The following TCERG1L variants were observed in gnomAD, a reference collection of about 807,000 sequenced individuals.
TCERG1L encodes the protein transcription elongation regulator 1-like protein.
In TCERG1L, 37 loss-of-function variants were observed where a neutral mutation model predicts 56.3. That is an observed-to-expected ratio of 0.66 (90% confidence interval 0.51 to 0.87). TCERG1L has a LOEUF of 0.87. Ranked by LOEUF, TCERG1L falls within the 40% of genes least tolerant of loss-of-function variation. The probability of loss-of-function intolerance (pLI) is 0.00; values close to 1 mark genes in which losing one functional copy is unlikely to be tolerated. For synonymous variants in TCERG1L, 324 were observed against 326.3 expected (o/e 0.99, Z 0.08); for missense variants, 799 against 774.2 (o/e 1.03, Z -0.38).
chr10:131,302,338 G>GTT (rs201264732), intron 3 of TCERG1L, among the ~76,000 whole-genome samples: 3 of 128,476 alleles, frequency 2.3e-5, no homozygotes, highest in Non-Finnish European at 5.1e-5. Flanking sequence ...TTGTTTTTTT[G>GTT]TTTTTTTTTT....
At chr10:131,188,035 G>C (rs1329216647) in intron 4 of TCERG1L, among the ~76,000 whole-genome samples, 1 of 152,158 alleles carries the variant, frequency 6.6e-6, no homozygotes, top group Non-Finnish European at 1.5e-5. Context: ...TCCTTGGCTT[G>C]GTCCCCAGCA....
At chr10:131,281,500 C>T (rs1475600097) in intron 3 of TCERG1L, among the ~76,000 whole-genome samples, 2 of 152,140 alleles carry the variant, frequency 1.3e-5, no homozygotes, top group Non-Finnish European at 2.9e-5. Flanking sequence ...ATATGAAAGG[C>T]ATTTGTGCTG....
rs1846588560 is a variant in TCERG1L at position 131,289,596 on chromosome 10, TGA to T, written c.670+18613_670+18614del. ...GCACTGCCTCCATCTCCTATCAATG[TGA>T]GTGTATGTGTGCACCGCTGTGTGTG... On this transcript the variant is annotated intron_variant, in intron 3 of 11. Transcript: ENST00000368642. Among the ~76,000 whole-genome samples, 2 of 19,912 alleles carry T rather than the reference TGA, an allele frequency of 1.0e-4. 1 individual carries two copies. Among genetic ancestry groups the T allele is most frequent in the Non-Finnish European group, 3.1e-4 (2 of 6,550 alleles). 13.1% of individuals were successfully genotyped at this position (19,912 alleles called of 152,430 possible).
At chr10:131,184,763 G>A (rs1845218128) in intron 4 of TCERG1L, among the ~76,000 whole-genome samples, 1 of 152,224 alleles carries the variant, frequency 6.6e-6, no homozygotes, top group South Asian at 2.1e-4. Flanking sequence ...GTGCACAAGT[G>A]TCCATCAGCC....
intron 11 of TCERG1L, among the ~76,000 whole-genome samples, chr10:131,094,867 G>A (rs940980155): frequency 6.6e-6 from 1 of 152,098 alleles, no homozygotes; most frequent in African/African-American, 2.4e-5. Context: ...GGCTAGACAG[G>A]CATCTACACA....
At chr10:131,146,028 T>C (rs542627187) in intron 7 of TCERG1L, among the ~76,000 whole-genome samples, 6 of 152,188 alleles carry the variant, frequency 3.9e-5, no homozygotes, top group Admixed American at 1.3e-4. Flanking sequence ...CTGAAGAAAA[T>C]CTCTTCCCCT....
chr10:131,227,603 C>G (rs747667790), intron 4 of TCERG1L, among the ~76,000 whole-genome samples: 2 of 152,300 alleles, frequency 1.3e-5, no homozygotes, highest in East Asian at 3.9e-4. Context: ...CACATCGGCC[C>G]GACCCTGGGT....
intron 4 of TCERG1L, among the ~76,000 whole-genome samples, chr10:131,186,081 T>C (rs1845240325): frequency 6.6e-6 from 1 of 152,208 alleles, no homozygotes; most frequent in South Asian, 2.1e-4. Flanking sequence ...CCGAAGACAT[T>C]ATCTTAAGTT....
chr10:131,146,406 T>A, intron 7 of TCERG1L, 100 bp downstream of exon 7: 1 of 1,349,956 alleles, frequency 7.4e-7, no homozygotes, highest in South Asian at 1.9e-5. Flanking sequence ...TAGTCAATTT[T>A]CAACATAACC....
At chr10:131,230,722 A>G (rs1464796167) in intron 4 of TCERG1L, among the ~76,000 whole-genome samples, 1 of 152,180 alleles carries the variant, frequency 6.6e-6, no homozygotes, top group African/African-American at 2.4e-5. Context: ...AACCTCAGGC[A>G]TCTCCAGGGC....
intron 4 of TCERG1L, among the ~76,000 whole-genome samples, chr10:131,193,375 T>C (rs1390897675): frequency 2.6e-5 from 4 of 152,238 alleles, no homozygotes; most frequent in African/African-American, 4.8e-5. Flanking sequence ...TAAGTTCCAT[T>C]TGCCTACTTT....
chr10:131,194,542 G>A (rs542353797), intron 4 of TCERG1L, among the ~76,000 whole-genome samples: 1 of 152,234 alleles, frequency 6.6e-6, no homozygotes, highest in African/African-American at 2.4e-5. Flanking sequence ...TTATTGTTAG[G>A]TGGTCAAATT....
intron 3 of TCERG1L, among the ~76,000 whole-genome samples, chr10:131,298,550 A>G (rs915755484): frequency 6.6e-6 from 1 of 152,100 alleles, no homozygotes; most frequent in African/African-American, 2.4e-5. Flanking sequence ...AGTAGCAGGT[A>G]CTACAGGCAC....
At chr10:131,137,037 G>C (rs545660441) in intron 7 of TCERG1L, among the ~76,000 whole-genome samples, 281 of 152,074 alleles carry the variant, frequency 1.8e-3, no homozygotes, top group Middle Eastern at 0.01. Flanking sequence ...CTACTCAGGA[G>C]GCTGAGGCAG....
intron 8 of TCERG1L, among the ~76,000 whole-genome samples, chr10:131,120,228 G>T (rs1006304438): frequency 5.3e-5 from 8 of 152,198 alleles, no homozygotes; most frequent in Non-Finnish European, 1.2e-4. Flanking sequence ...CTGTAAAGCT[G>T]AGGTTTTCTG....
chr10:131,216,104 G>C (rs1213190133), intron 4 of TCERG1L, among the ~76,000 whole-genome samples: 1 of 152,148 alleles, frequency 6.6e-6, no homozygotes, highest in Non-Finnish European at 1.5e-5. Context: ...GAAGATAATC[G>C]ATTAAATAAA....
intron 4 of TCERG1L, among the ~76,000 whole-genome samples, chr10:131,242,036 C>T (rs1845979668): frequency 6.6e-6 from 1 of 152,162 alleles, no homozygotes; most frequent in Non-Finnish European, 1.5e-5. Context: ...AACTTGGCAA[C>T]CTATCAATCA....
Position 131,260,488 on chromosome 10 carries a change from G to A in TCERG1L, c.671-44C>T. ...GAGGGTCAGCAAGGGGACGACCAGG[G>A]CCATGGGTGACAGATGCCCATCTCG... On this transcript the variant is annotated intron_variant, in intron 3 of 11. Coordinates refer to ENST00000368642, the MANE Select transcript of TCERG1L (RefSeq NM_174937.4). The surrounding 1 kb of genome is among the most constrained non-coding windows in gnomAD (Gnocchi z 5.8). 1 of 1,353,356 alleles carries A rather than the reference G, an allele frequency of 7.4e-7. No individual in the cohort carries two copies. The highest frequency in any genetic ancestry group is 9.5e-7 in the Non-Finnish European group (1 of 1,049,040). The allele number at this position is 1,353,356 out of a possible 1,614,324, so 83.8% of individuals were successfully genotyped here.
chr10:131,105,412 T>G (rs927364841), intron 9 of TCERG1L, among the ~76,000 whole-genome samples: 1 of 152,144 alleles, frequency 6.6e-6, no homozygotes, highest in Non-Finnish European at 1.5e-5. Flanking sequence ...CGAGGAGAAG[T>G]AGCTACATGA....
Sources: allele counts gnomAD v4.1 joint callset (sites outside exome capture counted in the v4.1 genomes callset), GRCh38; gene constraint gnomAD v4.1.1; non-coding constraint Gnocchi (gnomAD v3.1); transcripts MANE v1.5; gene names NCBI Gene and HGNC (gene_info 2026-07-23, HGNC 2026-07-21).